The following COL24A1 variants were observed in gnomAD, a reference collection of about 807,000 sequenced individuals.
COL24A1 encodes the protein collagen alpha-1(XXIV) chain.
Under a neutral mutation model 253.9 loss-of-function variants are expected in COL24A1, and 224 were observed. The ratio of observed to expected loss-of-function variants is 0.88; its 90% CI spans 0.79 to 0.99. The LOEUF is 0.99. Ranked by LOEUF, COL24A1 falls within the 50% of genes least tolerant of loss-of-function variation. The pLI, the probability that COL24A1 is intolerant of heterozygous loss-of-function variation, is 0.00. For synonymous variants in COL24A1, 685 were observed against 673.7 expected, an observed-to-expected ratio of 1.02 and a Z score of -0.26; for missense variants, 2,131 against 2,068.5, an observed-to-expected ratio of 1.03 and a Z score of -0.59.
At chr1:85,781,971 G>A (rs1043861749) in intron 51 of COL24A1, among the ~76,000 whole-genome samples, 3 of 152,164 alleles carry the variant, frequency 2.0e-5, no homozygotes, top group Admixed American at 6.6e-5. Context: ...TTCAGCTTCC[G>A]TGGTTCTTCA....
intron 7 of COL24A1, among the ~76,000 whole-genome samples, chr1:86,071,107 T>C (rs1249380926): frequency 1.3e-5 from 2 of 152,096 alleles, no homozygotes; most frequent in Non-Finnish European, 2.9e-5. Context: ...AGTTAAGGCA[T>C]AGAGTTTTTA....
intron 35 of COL24A1, among the ~76,000 whole-genome samples, chr1:85,874,013 C>T (rs1680854207): frequency 1.3e-5 from 2 of 152,030 alleles, no homozygotes; most frequent in Non-Finnish European, 2.9e-5. Flanking sequence ...ATTCACCCCA[C>T]CCCACCCAAA....
At chr1:86,002,921 C>T (rs1695573034) in intron 19 of COL24A1, among the ~76,000 whole-genome samples, 1 of 152,120 alleles carries the variant, frequency 6.6e-6, no homozygotes, top group South Asian at 2.1e-4. Context: ...AGCCCATATA[C>T]CAGGTGACAC....
At chr1:85,820,264 A>T (rs765970011) in intron 45 of COL24A1, among the ~76,000 whole-genome samples, 1 of 152,166 alleles carries the variant, frequency 6.6e-6, no homozygotes, top group African/African-American at 2.4e-5. Flanking sequence ...AAGTCCACAT[A>T]AAGTACATAG....
At chr1:86,018,217 C>T (rs1697174508) in intron 18 of COL24A1, among the ~76,000 whole-genome samples, 1 of 152,144 alleles carries the variant, frequency 6.6e-6, no homozygotes, top group Admixed American at 6.6e-5. Flanking sequence ...TACGGGATTG[C>T]CCATTTTCCA....
At chr1:86,050,245 G>T in intron 10 of COL24A1, 68 bp from the exon 11 acceptor site, 2 of 1,381,596 alleles carry the variant, frequency 1.4e-6, no homozygotes, top group Non-Finnish European at 2.0e-6. Context: ...ATTCTGAATA[G>T]AAGTACTTAA....
chr1:85,848,889 A>G (rs1187563873), intron 38 of COL24A1, among the ~76,000 whole-genome samples: 1 of 152,244 alleles, frequency 6.6e-6, no homozygotes, highest in African/African-American at 2.4e-5. Context: ...AGTAAAATAT[A>G]AAGTAAGCAA....
At chr1:85,808,123 C>T (rs1672164946) in intron 47 of COL24A1, among the ~76,000 whole-genome samples, 1 of 152,188 alleles carries the variant, frequency 6.6e-6, no homozygotes, top group African/African-American at 2.4e-5. Flanking sequence ...TTCCTGTCCC[C>T]TCCTCACCAA....
At chr1:86,062,133 T>C (rs936870291) in intron 8 of COL24A1, among the ~76,000 whole-genome samples, 1 of 152,084 alleles carries the variant, frequency 6.6e-6, no homozygotes, top group African/African-American at 2.4e-5. Context: ...TGAATAATTA[T>C]ACTACTAGAA....
intron 4 of COL24A1, among the ~76,000 whole-genome samples, chr1:86,113,213 A>G (rs1169687663): frequency 6.6e-6 from 1 of 152,176 alleles, no homozygotes; most frequent in Non-Finnish European, 1.5e-5. Flanking sequence ...GTTTCTCATT[A>G]CTAATCCTTA....
At chr1:86,076,464 T>C (rs2202675) in intron 7 of COL24A1, among the ~76,000 whole-genome samples, 140,573 of 152,178 alleles carry the variant, frequency 0.92, 65,626 homozygotes, top group Middle Eastern at 0.99. Context: ...GGCCATACTG[T>C]CCCAAGTAAT....
intron 7 of COL24A1, among the ~76,000 whole-genome samples, chr1:86,082,186 A>C (rs1702690793): frequency 6.6e-6 from 1 of 152,012 alleles, no homozygotes; most frequent in Non-Finnish European, 1.5e-5. Context: ...TGCCTCTGGC[A>C]CTCCCCTTCT....
chr1:85,802,788 C>T (rs1671574570), intron 47 of COL24A1, among the ~76,000 whole-genome samples: 1 of 152,196 alleles, frequency 6.6e-6, no homozygotes, highest in East Asian at 1.9e-4. Flanking sequence ...TTTATCATTA[C>T]AGATTATTTT....
At chr1:86,087,189 G>C (rs940030025) in intron 7 of COL24A1, among the ~76,000 whole-genome samples, 68 of 139,244 alleles carry the variant, frequency 4.9e-4, no homozygotes, top group African/African-American at 1.7e-3. Flanking sequence ...AATCTTATAA[G>C]AGAAACAAGA....
chr1:86,101,877 C>T (rs897210570), intron 5 of COL24A1, among the ~76,000 whole-genome samples: 4 of 152,028 alleles, frequency 2.6e-5, no homozygotes, highest in East Asian at 1.9e-4. Flanking sequence ...GTTTTAGTAT[C>T]GGGATGATGC....
chr1:85,756,057 CAAAAAAAAAAAAAA>C, intron 55 of COL24A1, among the ~76,000 whole-genome samples: 1 of 95,830 alleles, frequency 1.0e-5, no homozygotes, highest in African/African-American at 4.5e-5. Flanking sequence ...TACTAACAAC[CAAAAAAAAAAAAAA>C]AAAAAAAAAG....
intron 2 of COL24A1, among the ~76,000 whole-genome samples, chr1:86,143,483 A>T (rs897546420): frequency 8.5e-5 from 13 of 152,212 alleles, no homozygotes; most frequent in African/African-American, 2.9e-4. Flanking sequence ...GTGATAAAAA[A>T]ATATACACAT....
chr1:85,798,194 C>A (rs1425884236), intron 47 of COL24A1, among the ~76,000 whole-genome samples: 2 of 75,754 alleles, frequency 2.6e-5, no homozygotes, highest in East Asian at 5.9e-4. Flanking sequence ...GGGACCCTGT[C>A]TCTATTAAAA....
chr1:85,738,008 A>G (rs907832079), intron 57 of COL24A1, among the ~76,000 whole-genome samples: 2 of 152,232 alleles, frequency 1.3e-5, no homozygotes, highest in Non-Finnish European at 2.9e-5. Context: ...TGTATTTTTC[A>G]CATAACTATC....
Sources: allele counts gnomAD v4.1 joint callset (sites outside exome capture counted in the v4.1 genomes callset), GRCh38; gene constraint gnomAD v4.1.1; transcripts MANE v1.5; gene names NCBI Gene and HGNC (gene_info 2026-07-23, HGNC 2026-07-21).